HS3ST4: variants seen among roughly 807,000 people sequenced by gnomAD.
HS3ST4 encodes the protein heparan sulfate-glucosamine 3-sulfotransferase 4, also known as heparan sulfate glucosamine 3-O-sulfotransferase 4.
In HS3ST4, 17 loss-of-function variants were observed where a neutral mutation model predicts 29.2. The observed-to-expected ratio is 0.58, with a 90% CI of 0.40 to 0.87. The LOEUF (loss-of-function observed/expected upper bound fraction) is 0.87, where lower values mean the gene tolerates loss of function less well. HS3ST4 is among the 40% of genes least tolerant of loss of function. The probability of loss-of-function intolerance (pLI) is 0.00; values close to 1 mark genes in which losing one functional copy is unlikely to be tolerated. For synonymous variants in HS3ST4, 314 were observed against 285.7 expected (o/e 1.10, Z -1.00); for missense variants, 627 against 634.5 (o/e 0.99, Z 0.13).
intron 1 of HS3ST4, among the ~76,000 whole-genome samples, chr16:25,873,194 C>T (rs1431523708): frequency 2.0e-5 from 3 of 151,654 alleles, no homozygotes; most frequent in African/African-American, 2.4e-5. Context: ...ACCCATCTAT[C>T]CATCCACCTA....
At chr16:26,041,235 C>T (rs922151635) in intron 1 of HS3ST4, among the ~76,000 whole-genome samples, 5 of 151,600 alleles carry the variant, frequency 3.3e-5, no homozygotes, top group Admixed American at 6.6e-5. Context: ...CCAGCTGCTC[C>T]GGAGGCTGAG....
chr16:26,040,140 A>T (rs1275912683), intron 1 of HS3ST4, among the ~76,000 whole-genome samples: 1 of 152,162 alleles, frequency 6.6e-6, no homozygotes, highest in East Asian at 1.9e-4. Context: ...GGGATAAAAT[A>T]TCTCATTTAA....
At chr16:25,974,254 A>G (rs1333522246) in intron 1 of HS3ST4, among the ~76,000 whole-genome samples, 1 of 152,174 alleles carries the variant, frequency 6.6e-6, no homozygotes, top group Non-Finnish European at 1.5e-5. Flanking sequence ...ATCCAACACT[A>G]GATTTTGCAA....
intron 1 of HS3ST4, among the ~76,000 whole-genome samples, chr16:25,947,231 A>C (rs1968635446): frequency 6.6e-6 from 1 of 152,182 alleles, no homozygotes; most frequent in Non-Finnish European, 1.5e-5. Flanking sequence ...AAAAACTTCA[A>C]CATTGTTTTT....
At chr16:26,113,646 A>G (rs1028909162) in intron 1 of HS3ST4, among the ~76,000 whole-genome samples, 1 of 152,064 alleles carries the variant, frequency 6.6e-6, no homozygotes, top group African/African-American at 2.4e-5. Context: ...TCAACCATTT[A>G]TCAGAGATGA....
chr16:25,789,659 T>C (rs140759453), intron 1 of HS3ST4, among the ~76,000 whole-genome samples: 16 of 152,212 alleles, frequency 1.1e-4, no homozygotes, highest in Admixed American at 2.6e-4. Flanking sequence ...GCATGATGAA[T>C]TATCACAAAG....
At chr16:25,811,425 T>C (rs940800216) in intron 1 of HS3ST4, among the ~76,000 whole-genome samples, 3 of 117,850 alleles carry the variant, frequency 2.5e-5, no homozygotes, top group Non-Finnish European at 3.2e-5. Flanking sequence ...TCTTCTTCTT[T>C]TTTTTTTTTT....
intron 1 of HS3ST4, among the ~76,000 whole-genome samples, chr16:25,910,555 A>G (rs1431454223): frequency 6.6e-6 from 1 of 151,980 alleles, no homozygotes; most frequent in African/African-American, 2.4e-5. Flanking sequence ...AGGCAGGAGA[A>G]TCGCTTGAAC....
At chr16:25,747,995 T>C (rs1001948086) in intron 1 of HS3ST4, among the ~76,000 whole-genome samples, 15 of 152,164 alleles carry the variant, frequency 9.9e-5, no homozygotes, top group African/African-American at 3.4e-4. Flanking sequence ...AATATCTCTG[T>C]TACCAATAGA....
At chr16:25,979,272 AG>A (rs1968978132) in intron 1 of HS3ST4, among the ~76,000 whole-genome samples, 1 of 152,094 alleles carries the variant, frequency 6.6e-6, no homozygotes, top group South Asian at 2.1e-4. Context: ...ATTCTATAAC[AG>A]GGGTCTCCAA....
intron 1 of HS3ST4, among the ~76,000 whole-genome samples, chr16:26,073,269 G>C (rs1159036035): frequency 1.3e-5 from 2 of 152,192 alleles, no homozygotes; most frequent in African/African-American, 2.4e-5. Context: ...TCAATGATGA[G>C]GTTGAAATTT....
At chr16:26,068,649 C>A (rs1367652612) in intron 1 of HS3ST4, among the ~76,000 whole-genome samples, 1 of 152,000 alleles carries the variant, frequency 6.6e-6, no homozygotes, top group Non-Finnish European at 1.5e-5. Context: ...CTTTGGGGCT[C>A]AAGTGGTCGT....
intron 1 of HS3ST4, among the ~76,000 whole-genome samples, chr16:25,834,313 G>T (rs1478222875): frequency 6.6e-6 from 1 of 152,132 alleles, no homozygotes; most frequent in Non-Finnish European, 1.5e-5. Flanking sequence ...AGCAATCTTT[G>T]TTTTAAGAAG....
chr16:25,787,047 C>G (rs908844866), intron 1 of HS3ST4, among the ~76,000 whole-genome samples: 1 of 152,106 alleles, frequency 6.6e-6, no homozygotes, highest in African/African-American at 2.4e-5. Flanking sequence ...GTTGAAACTT[C>G]GAGGCTGTTA....
At chr16:25,807,686 T>C (rs917582367) in intron 1 of HS3ST4, among the ~76,000 whole-genome samples, 1 of 152,192 alleles carries the variant, frequency 6.6e-6, no homozygotes, top group Non-Finnish European at 1.5e-5. Flanking sequence ...AAGAGCGCAG[T>C]TGGTGGGTTT....
intron 1 of HS3ST4, among the ~76,000 whole-genome samples, chr16:25,873,508 A>C (rs150348982): frequency 6.9e-6 from 1 of 144,482 alleles, no homozygotes; most frequent in Non-Finnish European, 1.5e-5. Flanking sequence ...CTATCTATCT[A>C]TCTATCTATC....
chr16:25,846,460 G>A (rs1050849746), intron 1 of HS3ST4, among the ~76,000 whole-genome samples: 3 of 151,838 alleles, frequency 2.0e-5, no homozygotes, highest in Admixed American at 1.3e-4. Flanking sequence ...CTTGAGCCCA[G>A]GAGTTCGAGG....
At chr16:25,885,850 TATAAAC>T (rs1967944130) in intron 1 of HS3ST4, among the ~76,000 whole-genome samples, 1 of 151,938 alleles carries the variant, frequency 6.6e-6, no homozygotes, top group Admixed American at 6.6e-5. Context: ...AGAAGGAAAT[TATAAAC>T]ATAATACGAT....
At chr16:25,742,746 T>A (rs544575416) in intron 1 of HS3ST4, among the ~76,000 whole-genome samples, 10 of 152,316 alleles carry the variant, frequency 6.6e-5, no homozygotes, top group African/African-American at 2.2e-4. Flanking sequence ...CAGTGCATGG[T>A]TCATGGGTTG....
Sources: gnomAD v4.1 joint callset for allele counts (sites outside exome capture counted in the v4.1 genomes callset) on GRCh38, gnomAD v4.1.1 for gene constraint, MANE v1.5 for transcripts, NCBI Gene and HGNC (gene_info 2026-07-23, HGNC 2026-07-21) for gene names.